AZIN2: variants seen among roughly 807,000 people sequenced by gnomAD.
AZIN2 encodes the protein ODC antizyme inhibitor-2.
A neutral mutation model predicts 47.8 loss-of-function variants in AZIN2; 28 were observed. The observed-to-expected ratio is 0.59, with a 90% CI of 0.43 to 0.80. AZIN2 has a LOEUF of 0.80. AZIN2 is among the 30% of genes least tolerant of loss of function. The probability of loss-of-function intolerance (pLI) is 0.00; values close to 1 mark genes in which losing one functional copy is unlikely to be tolerated. For synonymous variants in AZIN2, 221 were observed against 239.4 expected, an observed-to-expected ratio of 0.92 and a Z score of 0.71; for missense variants, 535 against 582.5, an observed-to-expected ratio of 0.92 and a Z score of 0.84.
chr1:33,086,614 A>C (rs1641931152), intron 5 of AZIN2, among the ~76,000 whole-genome samples: 4 of 152,208 alleles, frequency 2.6e-5, no homozygotes, highest in Admixed American at 2.6e-4. Context: ...GGCCTGGCGT[A>C]AGCTAGGGCT....
chr1:33,085,578 A>T (rs1269078127), intron 5 of AZIN2, among the ~76,000 whole-genome samples: 1 of 152,054 alleles, frequency 6.6e-6, no homozygotes, highest in African/African-American at 2.4e-5. Flanking sequence ...TGTTGTGAGG[A>T]GAGTTCTAGA....
At chr1:33,124,773 T>TG (rs1644845090), downstream of AZIN2, among the ~76,000 whole-genome samples, 1 of 152,208 alleles carries the variant, frequency 6.6e-6, no homozygotes, top group African/African-American at 2.4e-5. This position sits in a 1 kb window ranked among gnomAD's most constrained non-coding sequence, Gnocchi z 4.6. Flanking sequence ...ATGCAGTATT[T>TG]GGTTTTTTGT....
In AZIN2 at chr1:33,118,106, C is replaced by T. The variant is rs750759779; in HGVS notation, c.1234C>T (p.Arg412Trp). The T allele has an allele frequency of 6.6e-6, 10 of 1,507,014 alleles. No homozygotes were observed. Among genetic ancestry groups the T allele is most frequent in the East Asian group, 2.4e-5 (1 of 42,190 alleles). The allele number at this position is 1,507,014 out of a possible 1,614,324, so 93.4% of individuals were successfully genotyped here. Reference protein sequence around the residue: ...QACHITYAMSRVAWEALRRQL... With the variant: ...QACHITYAMSWVAWEALRRQL... Reference sequence around the variant, plus strand: ...CTGCCACATCACCTATGCCATGTCCCGGGTGGCCTGGTAAGAGGGCCCTGC... The same window carrying T: ...CTGCCACATCACCTATGCCATGTCCTGGGTGGCCTGGTAAGAGGGCCCTGC... Residue 412 changes from arginine (R) to tryptophan (W), a missense_variant, in exon 11 of 12, where the codon CGG (arginine) becomes TGG (tryptophan). By Grantham distance (101) the Arg-to-Trp change is moderately radical. Transcript: ENST00000294517.
the AZIN2 span, among the ~76,000 whole-genome samples, chr1:33,149,154 T>C: frequency 2.6e-5 from 4 of 152,296 alleles, no homozygotes; most frequent in East Asian, 7.7e-4. Context: ...CCTCTTCTTT[T>C]TCTTATTTAT....
the AZIN2 span, among the ~76,000 whole-genome samples, chr1:33,137,930 G>T: frequency 2.6e-5 from 4 of 152,180 alleles, no homozygotes; most frequent in Non-Finnish European, 5.9e-5. Flanking sequence ...GTCTTGGGTT[G>T]GCAGCAGAGC....
At chr1:33,111,435 G>C (rs537425723) in intron 10 of AZIN2, among the ~76,000 whole-genome samples, 1 of 152,146 alleles carries the variant, frequency 6.6e-6, no homozygotes, top group South Asian at 2.1e-4. Context: ...TAAATGTATA[G>C]AGTAACCACT....
At chr1:33,119,897 G>A (rs1644737481) in intron 11 of AZIN2, 147 bp from the exon 12 acceptor site, 6 of 1,056,420 alleles carry the variant, frequency 5.7e-6, no homozygotes, top group Non-Finnish European at 8.1e-6. Context: ...AAGCAGTTGG[G>A]GAGGGGTCAG....
chr1:33,160,009 G>A, the AZIN2 span: 1 of 1,565,024 alleles, frequency 6.4e-7, no homozygotes. Flanking sequence ...TGGGTGAGAG[G>A]AGGAAATCGA....
At chr1:33,108,664 T>C (rs1284225311) in intron 10 of AZIN2, among the ~76,000 whole-genome samples, 1 of 152,164 alleles carries the variant, frequency 6.6e-6, no homozygotes, top group Non-Finnish European at 1.5e-5. Context: ...CACTTAGTAA[T>C]ATGCACTTAA....
chr1:33,159,638 G>T, the AZIN2 span: 7 of 1,571,998 alleles, frequency 4.5e-6, no homozygotes, highest in Non-Finnish European at 6.0e-6. The surrounding 1 kb of genome is among the most constrained non-coding windows in gnomAD (Gnocchi z 4.2). Context: ...CCCAGCATGG[G>T]TCGAGGAGGG....
the AZIN2 span, chr1:33,166,304 G>T: frequency 1.3e-5 from 2 of 152,248 alleles, no homozygotes; most frequent in East Asian, 3.9e-4. Context: ...AATGTAATGT[G>T]CTTGAATCAT....
At chr1:33,131,602 A>G in the AZIN2 span, among the ~76,000 whole-genome samples, 1 of 152,162 alleles carries the variant, frequency 6.6e-6, no homozygotes, top group African/African-American at 2.4e-5. Context: ...TCATTGGATA[A>G]CATTTTGTAT....
chr1:33,155,645 C>T, the AZIN2 span, among the ~76,000 whole-genome samples: 1 of 152,154 alleles, frequency 6.6e-6, no homozygotes, highest in East Asian at 1.9e-4. Context: ...AGGACAAGTT[C>T]CTAACAGCTC....
chr1:33,155,174 C>T, the AZIN2 span, among the ~76,000 whole-genome samples: 2 of 151,002 alleles, frequency 1.3e-5, no homozygotes, highest in Admixed American at 6.6e-5. Context: ...TGGGTTCAAG[C>T]CATTCTCCCA....
the AZIN2 span, chr1:33,165,441 G>A: frequency 1.2e-5 from 18 of 1,550,236 alleles, no homozygotes; most frequent in East Asian, 4.8e-5. The surrounding 1 kb of genome is among the most constrained non-coding windows in gnomAD (Gnocchi z 4.0). Flanking sequence ...ATCTCTGCCG[G>A]CCCCACCTCC....
In AZIN2 at chr1:33,122,478, T is replaced by G. The variant is rs1644813562; in HGVS notation, c.*2296T>G. ...GTTAATAGTCATTTTTTCCCAGTTA[T>G]TTGTTTTTGTTTCTTATTTCAATCT... is the stretch of plus-strand genomic sequence containing the variant. On this transcript the variant is annotated 3_prime_UTR_variant, in exon 12 of 12. Transcript: ENST00000294517. Among the ~76,000 whole-genome samples the G allele has an allele frequency of 6.6e-6, 1 of 152,208 alleles. No homozygotes were observed. Among genetic ancestry groups the G allele is most frequent in the African/African-American group, 2.4e-5 (1 of 41,454 alleles).
intron 10 of AZIN2, among the ~76,000 whole-genome samples, chr1:33,116,964 A>T (rs983738190): frequency 1.3e-5 from 2 of 152,198 alleles, no homozygotes; most frequent in African/African-American, 2.4e-5. Context: ...TCCACATTTC[A>T]GTGGTGACTC....
chr1:33,127,711 A>G (rs977850718), downstream of AZIN2, among the ~76,000 whole-genome samples: 2 of 152,238 alleles, frequency 1.3e-5, no homozygotes, highest in Non-Finnish European at 2.9e-5. Context: ...TGTCCTTCTC[A>G]ACCATCAATT....
intron 8 of AZIN2, among the ~76,000 whole-genome samples, chr1:33,095,626 T>C (rs1643069140): frequency 6.6e-6 from 1 of 152,224 alleles, no homozygotes; most frequent in Admixed American, 6.5e-5. Context: ...TAATCAAGTA[T>C]ATTACAGTTG....
Sources: gnomAD v4.1 joint callset for allele counts (sites outside exome capture counted in the v4.1 genomes callset) on GRCh38, gnomAD v4.1.1 for gene constraint, Gnocchi (gnomAD v3.1) non-coding constraint, MANE v1.5 for transcripts, NCBI Gene and HGNC (gene_info 2026-07-23, HGNC 2026-07-21) for gene names.